The following ACSM2B variants were observed in gnomAD, a reference collection of about 807,000 sequenced individuals.
ACSM2B encodes acyl-coenzyme A synthetase ACSM2B, mitochondrial.
ACSM2B carries 58 observed loss-of-function variants against 78.6 expected under a neutral mutation model. The ratio of observed to expected loss-of-function variants is 0.74; its 90% confidence interval spans 0.60 to 0.92. The LOEUF (loss-of-function observed/expected upper bound fraction) is 0.92, where lower values mean the gene tolerates loss of function less well. Among genes scored for constraint, ACSM2B ranks in the 40% least tolerant of loss-of-function variants. The probability of loss-of-function intolerance (pLI) is 0.00; values close to 1 mark genes in which losing one functional copy is unlikely to be tolerated. For synonymous variants in ACSM2B, 257 were observed against 256.8 expected (o/e 1.00, Z -0.01); for missense variants, 688 against 711.2 (o/e 0.97, Z 0.37).
intron 13 of ACSM2B, among the ~76,000 whole-genome samples, chr16:20,540,191 T>C (rs2014945250): frequency 6.6e-6 from 1 of 152,012 alleles, no homozygotes; most frequent in Non-Finnish European, 1.5e-5. Context: ...CTTTCTGGGC[T>C]TTCTTGAGCA....
chr16:20,539,036 T>G (rs2152130438), intron 13 of ACSM2B, among the ~76,000 whole-genome samples: 1 of 152,190 alleles, frequency 6.6e-6, no homozygotes, highest in Non-Finnish European at 1.5e-5. Flanking sequence ...CTGATCCACC[T>G]GTGACCGTAA....
At chr16:20,555,621 G>C in intron 3 of ACSM2B, 145 bp from the exon 4 acceptor site, 1 of 1,459,604 alleles carries the variant, frequency 6.9e-7, no homozygotes. Context: ...TAAAAAAGGG[G>C]ACTAAGGACT....
chr16:20,555,523 G>T (rs780405110), intron 3 of ACSM2B, 47 bp from the exon 4 acceptor site: 29 of 1,608,818 alleles, frequency 1.8e-5, no homozygotes, highest in Non-Finnish European at 3.4e-6. Context: ...GGTTTTCTTT[G>T]TCCCTAGAGA....
chr16:20,559,105 G>T, intron 3 of ACSM2B, 132 bp downstream of exon 3: 1 of 1,442,766 alleles, frequency 6.9e-7, no homozygotes, highest in Non-Finnish European at 9.1e-7. Context: ...GCAGGGAGAA[G>T]TCTTTCTTCA....
chr16:20,575,899 CTCT>C lies in ACSM2B; in HGVS notation c.-9+305_-9+307del, dbSNP rs1341523942. On this transcript the variant is annotated intron_variant, in intron 1 of 13. Transcript: ENST00000329697. ...GGTCCCTCTCTTTTTCCATAATAAG[CTCT>C]TCTTCATTCTTCTGGTCTCACCTCC... 9 of 151,704 alleles carry C rather than the reference CTCT, an allele frequency of 5.9e-5. No individual in the cohort carries two copies. The South Asian group carries it at 1.9e-3, about 32-fold the overall frequency. 9.4% of individuals were successfully genotyped at this position (151,704 alleles called of 1,614,324 possible). A position where few individuals can be genotyped will look rare whatever the true frequency, so the allele number is the denominator to read the frequency against.
intron 2 of ACSM2B, 149 bp downstream of exon 2, chr16:20,564,520 C>T: frequency 6.9e-7 from 1 of 1,457,966 alleles, no homozygotes. Context: ...CCATACCATA[C>T]TGCCTTCATG....
At chr16:20,574,968 A>G (rs1040126035) in intron 1 of ACSM2B, among the ~76,000 whole-genome samples, 11 of 147,026 alleles carry the variant, frequency 7.5e-5, no homozygotes, top group Non-Finnish European at 1.2e-4. Flanking sequence ...CATATGGTCA[A>G]AGGTATGATG....
intron 1 of ACSM2B, among the ~76,000 whole-genome samples, chr16:20,569,832 G>C (rs1030228850): frequency 2.0e-5 from 3 of 151,736 alleles, no homozygotes; most frequent in African/African-American, 7.3e-5. Flanking sequence ...TTATAAAAGG[G>C]GTTGAGTTCT....
intron 4 of ACSM2B, among the ~76,000 whole-genome samples, chr16:20,554,362 G>A (rs1163027479): frequency 2.0e-5 from 3 of 152,114 alleles, no homozygotes; most frequent in African/African-American, 7.2e-5. Flanking sequence ...TACTTTCTTG[G>A]CACTCTCTTC....
At chr16:20,553,158 G>T (rs1207271095) in intron 5 of ACSM2B, among the ~76,000 whole-genome samples, 2 of 151,720 alleles carry the variant, frequency 1.3e-5, no homozygotes, top group Non-Finnish European at 2.9e-5. Flanking sequence ...TCCATTTTTT[G>T]CATTAATGTA....
Position 20,543,193 on chromosome 16 carries a change from C to T in ACSM2B, c.1351G>A (p.Asp451Asn). 1.9e-6 allele frequency: 3 copies of T among 1,613,874 alleles called. No individual in the cohort carries two copies. The highest frequency in any genetic ancestry group is 2.5e-6 in the Non-Finnish European group (3 of 1,179,876). The change falls in exon 11 of 14, where the codon GAT (aspartate) becomes AAT (asparagine). Residue 451 changes from aspartate (D) to asparagine (N), a missense_variant. Physicochemically the swap from Asp to Asn is conservative, Grantham distance 23. Coordinates refer to ENST00000329697, the MANE Select transcript of ACSM2B (RefSeq NM_001105069.2). ...ATAAACTGGAAATACCCATCTTCATCTTTGATTCCCCGGTCTCCAAGGAGC... is the reference window on the plus strand; with the variant it reads ...ATAAACTGGAAATACCCATCTTCATTTTTGATTCCCCGGTCTCCAAGGAGC... Reference protein sequence around the residue: ...FWLLGDRGIKDEDGYFQFMGR... With the variant: ...FWLLGDRGIKNEDGYFQFMGR...
chr16:20,538,190 T>TC (rs1414497716), intron 13 of ACSM2B, among the ~76,000 whole-genome samples: 1 of 152,196 alleles, frequency 6.6e-6, no homozygotes, highest in African/African-American at 2.4e-5. Flanking sequence ...GGAGAAAGTA[T>TC]CTTCTTAGTG....
At chr16:20,565,398 G>T (rs1022860276) in intron 1 of ACSM2B, among the ~76,000 whole-genome samples, 1 of 152,080 alleles carries the variant, frequency 6.6e-6, no homozygotes, top group African/African-American at 2.4e-5. Flanking sequence ...AGATCATGCT[G>T]TACCTTCAGA....
At chr16:20,575,557 G>C (rs1371219208) in intron 1 of ACSM2B, 1 of 151,742 alleles carries the variant, frequency 6.6e-6, no homozygotes, top group East Asian at 2.0e-4. Context: ...GATCTAGGCT[G>C]GGAAGCTAGG....
intron 1 of ACSM2B, among the ~76,000 whole-genome samples, chr16:20,570,778 A>C (rs2016069914): frequency 6.6e-6 from 1 of 151,742 alleles, no homozygotes; most frequent in African/African-American, 2.4e-5. Flanking sequence ...CAGGCTTTCT[A>C]ATTCTTCCTG....
intron 1 of ACSM2B, among the ~76,000 whole-genome samples, chr16:20,567,219 T>G (rs954816012): frequency 7.6e-6 from 1 of 130,732 alleles, no homozygotes; most frequent in Non-Finnish European, 1.6e-5. Flanking sequence ...TATTATACTA[T>G]ATACTATATA....
chr16:20,556,953 T>C (rs190569630), intron 3 of ACSM2B, among the ~76,000 whole-genome samples: 41 of 152,262 alleles, frequency 2.7e-4, no homozygotes, highest in Admixed American at 5.9e-4. Context: ...TTCTAATTCC[T>C]GGCTGCATTC....
chr16:20,559,975 A>C (rs1269003253), intron 2 of ACSM2B, among the ~76,000 whole-genome samples: 1 of 151,098 alleles, frequency 6.6e-6, no homozygotes, highest in Non-Finnish European at 1.5e-5. Flanking sequence ...TTATATATTT[A>C]TCTCTATCTA....
Position 20,562,440 on chromosome 16 carries a change from C to T in ACSM2B, c.177+2229G>A, listed in dbSNP as rs189954680. On this transcript the variant is annotated intron_variant, in intron 2 of 13. Transcript: ENST00000329697. Reference sequence around the variant, plus strand: ...AGAGTTATACTACTTTTTGGTAACACATGAGAGTGTCTGTTTCCTCACAGC... The same window carrying T: ...AGAGTTATACTACTTTTTGGTAACATATGAGAGTGTCTGTTTCCTCACAGC... Among the ~76,000 whole-genome samples, 171 of 152,258 alleles carry T rather than the reference C, an allele frequency of 1.1e-3. 1 individual carries two copies. The highest frequency in any genetic ancestry group is 4.0e-3 in the African/African-American group (165 of 41,550).
Sources: allele counts gnomAD v4.1 joint callset (sites outside exome capture counted in the v4.1 genomes callset), GRCh38; gene constraint gnomAD v4.1.1; transcripts MANE v1.5; gene names NCBI Gene and HGNC (gene_info 2026-07-23, HGNC 2026-07-21).